The following TEX11 variants were observed in gnomAD, a reference collection of about 807,000 sequenced individuals.
TEX11 encodes the protein testis-expressed protein 11.
Under a neutral mutation model 84.4 loss-of-function variants are expected in TEX11, and 7 were observed. That is an observed-to-expected ratio of 0.08 (90% CI 0.05 to 0.16). TEX11 has a LOEUF of 0.16. Among genes scored for constraint, TEX11 ranks in the 10% least tolerant of loss-of-function variants. TEX11 has a pLI of 1.00. For synonymous variants in TEX11, 264 were observed against 222.8 expected, an observed-to-expected ratio of 1.18 and a Z score of -1.64; for missense variants, 551 against 660.5, an observed-to-expected ratio of 0.83 and a Z score of 1.82.
rs1161135149 is a variant in TEX11, at chrX:70,757,941, T to C, written c.693-13722A>G. Among the ~76,000 whole-genome samples, 4 of 110,463 alleles carry C rather than the reference T, an allele frequency of 3.6e-5. No homozygotes were observed. The East Asian group carries it at 1.1e-3, about 31-fold the overall frequency. On this transcript the variant is annotated intron_variant, in intron 9 of 29. Coordinates refer to ENST00000374333, the MANE Select transcript of TEX11 (RefSeq NM_031276.3). ...GATGGAGGAAGATTTACCAAGCAAA[T>C]GGAAAGCAGAAAAAAAAGCAGGGGT...
intron 8 of TEX11, among the ~76,000 whole-genome samples, chrX:70,811,870 GTTGT>G (rs2091257104): frequency 1.8e-5 from 2 of 111,693 alleles, no homozygotes; most frequent in Admixed American, 1.9e-4. Flanking sequence ...TGTTGATGGG[GTTGT>G]TTGTTTATTT....
At chrX:70,756,444 A>G (rs2090868587) in intron 9 of TEX11, among the ~76,000 whole-genome samples, 2 of 111,670 alleles carry the variant, frequency 1.8e-5, no homozygotes, top group South Asian at 7.5e-4. Flanking sequence ...AATATTTGCT[A>G]TTCTGCAGCC....
At chrX:70,609,035 T>C (rs1477346048) in intron 22 of TEX11, 56 bp downstream of exon 22, 7 of 947,210 alleles carry the variant, frequency 7.4e-6, no homozygotes, top group Non-Finnish European at 1.0e-5. Context: ...TGAAATCACA[T>C]CTGTCTAATT....
At chrX:70,706,393 G>A (rs939921408) in intron 13 of TEX11, among the ~76,000 whole-genome samples, 4 of 110,005 alleles carry the variant, frequency 3.6e-5, no homozygotes, top group South Asian at 4.0e-4. Context: ...CCATCATGGC[G>A]CATGTATACA....
At chrX:70,589,990 T>C (rs1383715833) in intron 25 of TEX11, among the ~76,000 whole-genome samples, 4 of 112,074 alleles carry the variant, frequency 3.6e-5, no homozygotes, top group African/African-American at 1.3e-4. Flanking sequence ...CCAATGTTAA[T>C]CTCTAGTTTT....
chrX:70,815,962 G>C (rs2091284101), intron 8 of TEX11, among the ~76,000 whole-genome samples: 1 of 111,404 alleles, frequency 9.0e-6, no homozygotes, highest in Non-Finnish European at 1.9e-5. Flanking sequence ...TTGGAGAACA[G>C]GTGGTGTTTG....
chrX:70,672,389 G>T (rs1217753690), intron 15 of TEX11, among the ~76,000 whole-genome samples: 1 of 111,722 alleles, frequency 9.0e-6, no homozygotes, highest in Admixed American at 9.5e-5. Flanking sequence ...GAAATGGCTG[G>T]ATCACATGAT....
intron 11 of TEX11, among the ~76,000 whole-genome samples, chrX:70,740,041 C>T (rs145455319): frequency 5.4e-5 from 6 of 111,823 alleles, no homozygotes; most frequent in African/African-American, 1.3e-4. Context: ...CATTATTCTG[C>T]GTATTTTATC....
At chrX:70,792,355 TATAC>T (rs1314011316) in intron 9 of TEX11, among the ~76,000 whole-genome samples, 113 of 9,422 alleles carry the variant, frequency 0.012, 1 homozygote, top group African/African-American at 0.022. Flanking sequence ...TATATATATA[TATAC>T]ACACACAAAT....
At chrX:70,746,150 G>A (rs2090766380) in intron 9 of TEX11, among the ~76,000 whole-genome samples, 2 of 111,806 alleles carry the variant, frequency 1.8e-5, no homozygotes, top group Admixed American at 1.9e-4. Flanking sequence ...GGCTCCATGT[G>A]ATGGAAGCTG....
intron 25 of TEX11, among the ~76,000 whole-genome samples, chrX:70,573,599 G>A (rs1315438121): frequency 1.8e-5 from 2 of 111,364 alleles, no homozygotes; most frequent in African/African-American, 6.5e-5. Context: ...TGAGACAAAA[G>A]TAATGCATGA....
chrX:70,824,287 C>T (rs1000666853), intron 8 of TEX11, among the ~76,000 whole-genome samples: 1 of 111,913 alleles, frequency 8.9e-6, no homozygotes, highest in Non-Finnish European at 1.9e-5. Flanking sequence ...AACTCAGAAG[C>T]GAATGCTGTG....
In TEX11 at chrX:70,584,008, G is replaced by A. The variant is rs369847200; in HGVS notation, c.2140+7743C>T. The stretch of plus-strand genomic sequence containing the variant: ...AAATGACAAATTCCTGGCCGGGCGC[G>A]GTGGCTCACGCCTGTAATCCCAGCA... On this transcript the variant is annotated intron_variant, in intron 25 of 29. Coordinates refer to ENST00000374333, the MANE Select transcript of TEX11 (RefSeq NM_031276.3). Among the ~76,000 whole-genome samples, 30 of 111,532 alleles carry A rather than the reference G, an allele frequency of 2.7e-4. No homozygotes were observed. In the South Asian group the frequency reaches 9.8e-3, roughly 37 times the overall value.
chrX:70,748,392 C>A (rs2090784102), intron 9 of TEX11, among the ~76,000 whole-genome samples: 1 of 111,454 alleles, frequency 9.0e-6, no homozygotes, highest in African/African-American at 3.3e-5. Context: ...TAACAGCTGA[C>A]ACCCCTCAGA....
At chrX:70,583,241 T>A (rs2088804919) in intron 25 of TEX11, among the ~76,000 whole-genome samples, 1 of 111,427 alleles carries the variant, frequency 9.0e-6, no homozygotes, top group Non-Finnish European at 1.9e-5. Context: ...TAATTTCTCA[T>A]CCTTTAACCC....
At chrX:70,572,466 A>G (rs1180241820) in intron 25 of TEX11, among the ~76,000 whole-genome samples, 3 of 111,526 alleles carry the variant, frequency 2.7e-5, no homozygotes, top group African/African-American at 9.8e-5. Context: ...ATCTAGAACT[A>G]GAAATACCAT....
intron 13 of TEX11, among the ~76,000 whole-genome samples, chrX:70,717,359 C>T (rs1289597849): frequency 9.3e-6 from 1 of 107,703 alleles, no homozygotes; most frequent in Non-Finnish European, 1.9e-5. Flanking sequence ...TGCTCTGTCG[C>T]CCAGGCTGGA....
chrX:70,847,171 C>T (rs1339990517), intron 7 of TEX11, among the ~76,000 whole-genome samples: 1 of 111,448 alleles, frequency 9.0e-6, no homozygotes, highest in African/African-American at 3.3e-5. Context: ...CGACTTTTGG[C>T]ATGATTGGAA....
At chrX:70,599,453 A>G (rs1285961432) in intron 24 of TEX11, among the ~76,000 whole-genome samples, 1 of 112,468 alleles carries the variant, frequency 8.9e-6, no homozygotes, top group East Asian at 2.8e-4. Context: ...TTATTTGGAA[A>G]TATTCCCACT....
Sources: gnomAD v4.1 joint callset for allele counts (sites outside exome capture counted in the v4.1 genomes callset) on GRCh38, gnomAD v4.1.1 for gene constraint, MANE v1.5 for transcripts, NCBI Gene and HGNC (gene_info 2026-07-23, HGNC 2026-07-21) for gene names.